Variants in NASP observed in about 807,000 individuals in gnomAD.
The protein encoded by NASP is NASP histone chaperone.
In NASP, 24 loss-of-function variants were observed where a neutral mutation model predicts 89.5. The observed-to-expected ratio is 0.27, with a 90% CI of 0.19 to 0.38. NASP has a LOEUF of 0.38. Ranked by LOEUF, NASP falls within the 10% of genes least tolerant of loss-of-function variation. The pLI, the probability that NASP is intolerant of heterozygous loss-of-function variation, is 1.00. For synonymous variants in NASP, 306 were observed against 324.7 expected, an observed-to-expected ratio of 0.94 and a Z score of 0.62; for missense variants, 848 against 921.4, an observed-to-expected ratio of 0.92 and a Z score of 1.03.
At chr1:45,600,459 T>G in intron 2 of NASP, 1 of 1,211,812 alleles carries the variant, frequency 8.3e-7, no homozygotes, top group Non-Finnish European at 1.1e-6. Context: ...AATCATACAG[T>G]AAGTACTGTT....
At chr1:45,613,147 A>G in intron 6 of NASP, 22 bp from the exon 7 acceptor site, 1 of 1,598,056 alleles carries the variant, frequency 6.3e-7, no homozygotes, top group Admixed American at 1.8e-5. Flanking sequence ...TATTCTCAAT[A>G]CTGAGGAATT....
chr1:45,611,878 G>A (rs10890332), intron 6 of NASP: 10 of 78,794 alleles, frequency 1.3e-4, no homozygotes, highest in East Asian at 3.3e-4. Flanking sequence ...TTTTTTTTTT[G>A]AGACGGAGTC....
intron 2 of NASP, among the ~76,000 whole-genome samples, chr1:45,601,185 AT>A (rs962234578): frequency 3.3e-5 from 5 of 151,742 alleles, no homozygotes; most frequent in South Asian, 2.1e-4. Flanking sequence ...TAGTTTATTG[AT>A]TTTTTTTCCT....
intron 14 of NASP, 47 bp from the exon 15 acceptor site, chr1:45,618,014 T>C: frequency 6.5e-7 from 1 of 1,527,184 alleles, no homozygotes; most frequent in East Asian, 2.4e-5. Flanking sequence ...TAAGACAGAA[T>C]GGCTTAAACT....
In NASP at chr1:45,600,618, T is replaced by G. The variant is rs141068036; in HGVS notation, c.108-1637T>G. On this transcript the variant is annotated intron_variant, in intron 2 of 14. Transcript: ENST00000350030. ...TTGTTTATCCATTTGGGTTTCCAGT[T>G]TTTGGCTTACAAATAAAGCTGCTGT... is the stretch of plus-strand genomic sequence containing the variant. Among the ~76,000 whole-genome samples the G allele has an allele frequency of 3.0e-3, 457 of 152,322 alleles. 4 individuals carry two copies. Among genetic ancestry groups the G allele is most frequent in the East Asian group, 0.022 (114 of 5,186 alleles).
At chr1:45,600,509 G>A in intron 2 of NASP, 1 of 1,058,900 alleles carries the variant, frequency 9.4e-7, no homozygotes, top group Non-Finnish European at 1.2e-6. Context: ...TAATTATTTT[G>A]AGATTCATCC....
chr1:45,608,956 C>A (rs1017537841), intron 6 of NASP, among the ~76,000 whole-genome samples: 4 of 152,152 alleles, frequency 2.6e-5, no homozygotes, highest in African/African-American at 9.6e-5. Context: ...AAAACAGGCC[C>A]CCCCCACCTT....
chr1:45,590,609 TA>T (rs1459814559), intron 1 of NASP, among the ~76,000 whole-genome samples: 1 of 150,362 alleles, frequency 6.7e-6, no homozygotes, highest in Non-Finnish European at 1.5e-5. Flanking sequence ...CAATGATACT[TA>T]ATAGTGTTTT....
intron 2 of NASP, among the ~76,000 whole-genome samples, chr1:45,592,232 G>A (rs1474628655): frequency 6.6e-6 from 1 of 152,184 alleles, no homozygotes; most frequent in South Asian, 2.1e-4. Context: ...TGATCTGCCC[G>A]CCTTGGCCTC....
rs1470724620 is a variant in NASP, at chr1:45,611,484, T to G, written c.1427-1685T>G. ...TTTTTTTTTTTTTTTTTTTTTTTTT[T>G]GAGACAGAGTCTTGCTCTGTCACCC... On this transcript the variant is annotated intron_variant, in intron 6 of 14. Transcript: ENST00000350030. 6 of 82,202 alleles carry G rather than the reference T, an allele frequency of 7.3e-5. No homozygotes were observed. In the East Asian group the frequency reaches 1.0e-3, roughly 14 times the overall value. The allele number at this position is 82,202 out of a possible 1,614,324, so 5.1% of individuals were successfully genotyped here.
At chr1:45,616,801 C>T in intron 13 of NASP, 98 bp downstream of exon 13, 2 of 1,134,374 alleles carry the variant, frequency 1.8e-6, no homozygotes, top group South Asian at 1.3e-5. Context: ...GCATATAAGA[C>T]ACTTATTTTC....
intron 1 of NASP, among the ~76,000 whole-genome samples, chr1:45,590,029 AGTT>A (rs1643492487): frequency 6.6e-6 from 1 of 152,184 alleles, no homozygotes; most frequent in African/African-American, 2.4e-5. Flanking sequence ...TCACCTGGGC[AGTT>A]GTTAGAAATG....
At chr1:45,593,896 GCA>G (rs1643619299) in intron 2 of NASP, among the ~76,000 whole-genome samples, 1 of 151,678 alleles carries the variant, frequency 6.6e-6, no homozygotes, top group African/African-American at 2.4e-5. Flanking sequence ...GTTCGTTGTG[GCA>G]CTTGCGTGTG....
intron 1 of NASP, among the ~76,000 whole-genome samples, chr1:45,590,177 T>C (rs1643496848): frequency 6.6e-6 from 1 of 152,198 alleles, no homozygotes; most frequent in Non-Finnish European, 1.5e-5. Context: ...TTCATCTTTT[T>C]TTCCAACTAT....
chr1:45,584,506 G>A lies in NASP; in HGVS notation c.59+301G>A, dbSNP rs567501486. On this transcript the variant is annotated intron_variant, in intron 1 of 14. Transcript: ENST00000350030. Reference sequence around the variant, plus strand: ...TCTCCTTCCTCCCCCAGCCCGGGGCGGTTGGCCGGGAGGCGGGGCCCTGGC... The same window carrying A: ...TCTCCTTCCTCCCCCAGCCCGGGGCAGTTGGCCGGGAGGCGGGGCCCTGGC... Among the ~76,000 whole-genome samples the A allele has an allele frequency of 2.0e-5, 3 of 152,312 alleles. No homozygotes were observed. In the East Asian group the frequency reaches 5.8e-4, roughly 29 times the overall value.
At chr1:45,616,982 T>C (rs1025269821) in intron 13 of NASP, among the ~76,000 whole-genome samples, 5 of 152,100 alleles carry the variant, frequency 3.3e-5, no homozygotes, top group African/African-American at 1.2e-4. Context: ...GTAGCTGGGA[T>C]TACAGGCGCC....
rs766420155 is a variant in NASP at position 45,602,255 on chromosome 1, T to G, written c.108T>G (p.Ser36Arg). 2.5e-6 allele frequency: 4 copies of G among 1,612,268 alleles called. No homozygotes were observed. Among genetic ancestry groups the G allele is most frequent in the Non-Finnish European group, 3.4e-6 (4 of 1,179,122 alleles). ...ACTAGAAAAAATCTTTTTTTTGCAGTCTGGATGTGGATAGTGAAGCTAAGA... is the reference window on the plus strand; with the variant it reads ...ACTAGAAAAAATCTTTTTTTTGCAGGCTGGATGTGGATAGTGAAGCTAAGA... ...APSTSADKVE[S>R]LDVDSEAKKL... Residue 36 changes from serine to arginine, a missense_variant and splice_region_variant, in exon 3 of 15, where the codon AGT (serine) becomes AGG (arginine). This residue lies in a region of NASP where 89 missense variants were observed against 79.2 expected (regional missense o/e 1.12). Transcript: ENST00000350030.
intron 1 of NASP, among the ~76,000 whole-genome samples, chr1:45,588,338 A>G (rs1644587784): frequency 6.6e-6 from 1 of 152,152 alleles, no homozygotes; most frequent in African/African-American, 2.4e-5. Context: ...TCCTGACCTC[A>G]GGTGATCCAC....
At chr1:45,614,254 G>A (rs1343605481) in intron 8 of NASP, 39 bp from the exon 9 acceptor site, 1 of 1,599,334 alleles carries the variant, frequency 6.3e-7, no homozygotes, top group African/African-American at 1.3e-5. Flanking sequence ...GGGTTAGACA[G>A]GTACTGTTAA....
Sources: allele counts gnomAD v4.1 joint callset (sites outside exome capture counted in the v4.1 genomes callset), GRCh38; gene constraint gnomAD v4.1.1; regional missense constraint gnomAD v4.1.1; transcripts MANE v1.5; gene names NCBI Gene and HGNC (gene_info 2026-07-23, HGNC 2026-07-21).